Variants in GAL3ST2 observed in about 807,000 individuals in gnomAD.
GAL3ST2 encodes the protein beta-galactose-3-O-sulfotransferase 2.
In GAL3ST2, 16 loss-of-function variants were observed where a neutral mutation model predicts 12.9. That is an observed-to-expected ratio of 1.24 (90% CI 0.84 to 1.88). GAL3ST2 has a LOEUF of 1.88. Among genes scored for constraint, GAL3ST2 ranks in the 40% most tolerant of loss-of-function variants. The probability of loss-of-function intolerance (pLI) is 0.00; values close to 1 mark genes in which losing one functional copy is unlikely to be tolerated. For missense variants in GAL3ST2, 639 were observed against 571.8 expected, an observed-to-expected ratio of 1.12 and a Z score of -1.20; for synonymous variants, 302 against 273.9, an observed-to-expected ratio of 1.10 and a Z score of -1.01.
At chr2:241,779,772 G>A (rs1222291152) in intron 1 of GAL3ST2, among the ~76,000 whole-genome samples, 1 of 151,460 alleles carries the variant, frequency 6.6e-6, no homozygotes, top group Non-Finnish European at 1.5e-5. Context: ...GATCACCTGA[G>A]ATCAGGAGTT....
At position 241,802,041 on chromosome 2, in the gene GAL3ST2, C is replaced by T. The variant is rs144185924; in HGVS notation, c.375+5C>T. 1.1e-3 allele frequency: 1,829 copies of T among 1,605,062 alleles called. 19 individuals are homozygous for T. In the African/African-American group the frequency reaches 0.022, roughly 19 times the overall value. The stretch of plus-strand genomic sequence containing the variant: ...CTGAGGTTCAACCTGCCTCAGGTAC[C>T]GCGGGCCTGCTGGGGAGGAGGGCGG... On this transcript the variant is annotated splice_donor_5th_base_variant and intron_variant, in intron 3 of 3. Coordinates refer to ENST00000192314, the MANE Select transcript of GAL3ST2 (RefSeq NM_022134.3). The surrounding 1 kb of genome is among the most constrained non-coding windows in gnomAD (Gnocchi z 4.8).
intron 1 of GAL3ST2, among the ~76,000 whole-genome samples, chr2:241,796,385 G>A (rs369685001): frequency 9.2e-5 from 14 of 152,198 alleles, no homozygotes; most frequent in African/African-American, 3.1e-4. Context: ...GCCAGGAGAC[G>A]TACAAAGCAG....
chr2:241,791,946 T>C (rs1232464340), intron 1 of GAL3ST2, among the ~76,000 whole-genome samples: 1 of 152,052 alleles, frequency 6.6e-6, no homozygotes, highest in African/African-American at 2.4e-5. Flanking sequence ...TTCAAAATAA[T>C]GTTTGCAATT....
intron 1 of GAL3ST2, among the ~76,000 whole-genome samples, chr2:241,787,813 T>C (rs573343289): frequency 1.3e-5 from 2 of 152,180 alleles, no homozygotes; most frequent in East Asian, 1.9e-4. Flanking sequence ...CTCAGTGATA[T>C]ATTGTTGGGG....
intron 1 of GAL3ST2, among the ~76,000 whole-genome samples, chr2:241,798,149 C>G (rs943154857): frequency 6.6e-6 from 1 of 152,198 alleles, no homozygotes; most frequent in Non-Finnish European, 1.5e-5. Context: ...CAGGCCTTAC[C>G]CAGATCTGCT....
chr2:241,776,998 T>C lies in GAL3ST2; in HGVS notation c.29+14T>C. On this transcript the variant is annotated intron_variant, in intron 1 of 3. Coordinates refer to ENST00000192314, the MANE Select transcript of GAL3ST2 (RefSeq NM_022134.3). ...CGGCTTGCAGAGGTAAGGGGGGCAG[T>C]TGGACCCCCCAGGTGGACAAAGCGC... 2.0e-6 allele frequency: 3 copies of C among 1,519,568 alleles called. No individual in the cohort carries two copies. The highest frequency in any genetic ancestry group is 2.7e-6 in the Non-Finnish European group (3 of 1,126,750). The allele number at this position is 1,519,568 out of a possible 1,614,324, so 94.1% of individuals were successfully genotyped here.
rs1699843120 is a variant in GAL3ST2 at position 241,801,472 on chromosome 2, G to T, written c.120-309G>T. On this transcript the variant is annotated intron_variant, in intron 2 of 3. Transcript: ENST00000192314. This position sits in a 1 kb window ranked among gnomAD's most constrained non-coding sequence, Gnocchi z 4.4. Reference sequence around the variant, plus strand: ...GGGAACTCAGTTTTAAGGTGGGTCTGGGGTCCCCTTGGCCAAGATGGGGTT... The same window carrying T: ...GGGAACTCAGTTTTAAGGTGGGTCTTGGGTCCCCTTGGCCAAGATGGGGTT... The T allele has an allele frequency of 4.1e-6, 2 of 488,776 alleles. No homozygotes were observed. The highest frequency in any genetic ancestry group is 2.0e-5 in the African/African-American group (1 of 51,250). 30.3% of individuals were successfully genotyped at this position (488,776 alleles called of 1,614,324 possible).
At position 241,801,806 on chromosome 2, in the gene GAL3ST2, C is replaced by G. The variant is rs900389592; in HGVS notation, c.145C>G (p.Pro49Ala). 3 of 1,612,654 alleles carry G rather than the reference C, an allele frequency of 1.9e-6. No individual in the cohort carries two copies. Among genetic ancestry groups the G allele is most frequent in the African/African-American group, 1.3e-5 (1 of 75,014 alleles). Residue 49 changes from proline (P) to alanine (A), a missense_variant, in exon 3 of 4, where the codon CCG becomes GCG. Transcript: ENST00000192314. This position sits in a 1 kb window ranked among gnomAD's most constrained non-coding sequence, Gnocchi z 4.4. ...TPLFGGQAEGPPVTNIMFLKT... is the reference protein window; with the variant it reads ...TPLFGGQAEGAPVTNIMFLKT... ...CCTGTTTGGGGGCCAGGCTGAGGGG[C>G]CGCCGGTCACCAACATCATGTTCCT...
rs149870990 is a variant in GAL3ST2 at position 241,793,010 on chromosome 2, A to G, written c.30-6055A>G. On this transcript the variant is annotated intron_variant, in intron 1 of 3. Coordinates refer to ENST00000192314, the MANE Select transcript of GAL3ST2 (RefSeq NM_022134.3). This position sits in a 1 kb window ranked among gnomAD's most constrained non-coding sequence, Gnocchi z 4.7. ...AGTCTTCCTGCCTTTGCTTCGAGCC[A>G]TCCTGCCTCTCCAGACCGAACCAAT... is the stretch of plus-strand genomic sequence containing the variant. Among the ~76,000 whole-genome samples the G allele has an allele frequency of 0.11, 16,756 of 149,642 alleles. 1,000 individuals are homozygous for G. Among genetic ancestry groups the G allele is most frequent in the Middle Eastern group, 0.15 (43 of 294 alleles).
At chr2:241,789,861 C>G (rs1008358946) in intron 1 of GAL3ST2, among the ~76,000 whole-genome samples, 1 of 140,682 alleles carries the variant, frequency 7.1e-6, no homozygotes, top group Admixed American at 7.0e-5. Flanking sequence ...GACTCCATCT[C>G]AAAAAAAAAA....
At position 241,793,499 on chromosome 2, in the gene GAL3ST2, T is replaced by C. The variant is rs1699726104; in HGVS notation, c.30-5566T>C. Among the ~76,000 whole-genome samples, 1 of 151,848 alleles carries C rather than the reference T, an allele frequency of 6.6e-6. No homozygotes were observed. Among genetic ancestry groups the C allele is most frequent in the Non-Finnish European group, 1.5e-5 (1 of 68,010 alleles). Reference sequence around the variant, plus strand: ...ATGTGTATTATATGTACATATTGTGTATGTGTGTGTATATGTATGTGTGTA... The same window carrying C: ...ATGTGTATTATATGTACATATTGTGCATGTGTGTGTATATGTATGTGTGTA... On this transcript the variant is annotated intron_variant, in intron 1 of 3. Transcript: ENST00000192314. This position sits in a 1 kb window ranked among gnomAD's most constrained non-coding sequence, Gnocchi z 4.7.
rs145432391 is a variant in GAL3ST2 at position 241,793,852 on chromosome 2, A to T, written c.30-5213A>T. ...TGGAGTGTAAAAAACCATCGCCATA[A>T]GAATTTGCATGAGTCTTCCTCATAG... On this transcript the variant is annotated intron_variant, in intron 1 of 3. Transcript: ENST00000192314. The surrounding 1 kb of genome is among the most constrained non-coding windows in gnomAD (Gnocchi z 4.7). Among the ~76,000 whole-genome samples, 5 of 152,240 alleles carry T rather than the reference A, an allele frequency of 3.3e-5. No individual in the cohort carries two copies. The East Asian group carries it at 9.6e-4, about 29-fold the overall frequency.
In GAL3ST2 at chr2:241,793,455, TGC is replaced by T. The variant is rs1446593150; in HGVS notation, c.30-5608_30-5607del. 2.0e-5 allele frequency among the ~76,000 whole-genome samples: 3 copies of T among 149,074 alleles called. No homozygotes were observed. The highest frequency in any genetic ancestry group is 3.0e-5 in the Non-Finnish European group (2 of 67,774). On this transcript the variant is annotated intron_variant, in intron 1 of 3. Transcript: ENST00000192314. The surrounding 1 kb of genome is among the most constrained non-coding windows in gnomAD (Gnocchi z 4.7). ...TGTACGTGTATGTATGTACTGTGTA[TGC>T]GTGTGTATGTGTATGCATGTGTATT...
chr2:241,797,141 G>A (rs1369394994), intron 1 of GAL3ST2, among the ~76,000 whole-genome samples: 1 of 152,220 alleles, frequency 6.6e-6, no homozygotes, highest in Non-Finnish European at 1.5e-5. Context: ...TCACAGGCGT[G>A]AGCTGCCGCG....
intron 1 of GAL3ST2, among the ~76,000 whole-genome samples, chr2:241,780,496 G>A (rs992104742): frequency 2.0e-5 from 3 of 152,178 alleles, no homozygotes; most frequent in African/African-American, 7.2e-5. Flanking sequence ...TCCAGCCTGG[G>A]TGACAGAGCG....
In GAL3ST2 at chr2:241,793,561, GTA is replaced by G. The variant is rs554678347; in HGVS notation, c.30-5500_30-5499del. Among the ~76,000 whole-genome samples, 118 of 151,696 alleles carry G rather than the reference GTA, an allele frequency of 7.8e-4. No individual in the cohort carries two copies. Among genetic ancestry groups the G allele is most frequent in the African/African-American group, 2.7e-3 (112 of 41,292 alleles). On this transcript the variant is annotated intron_variant, in intron 1 of 3. Transcript: ENST00000192314. This position sits in a 1 kb window ranked among gnomAD's most constrained non-coding sequence, Gnocchi z 4.7. ...TGTATGTGTGTATATGTATGTATGTGTATATGTGTGCGTATATGTGTATGTAT... is the reference window on the plus strand; with the variant it reads ...TGTATGTGTGTATATGTATGTATGTGTATGTGTGCGTATATGTGTATGTAT...
rs73011971 is a variant in GAL3ST2, at chr2:241,796,033, C to T, written c.30-3032C>T. On this transcript the variant is annotated intron_variant, in intron 1 of 3. Coordinates refer to ENST00000192314, the MANE Select transcript of GAL3ST2 (RefSeq NM_022134.3). ...ACTGGCATTGGAGTCTGAGGTGCCG[C>T]GTGTGCCGTGAGGATGAAGTGTGAG... 2.2e-3 allele frequency among the ~76,000 whole-genome samples: 342 copies of T among 152,298 alleles called. 1 individual carries two copies. The highest frequency in any genetic ancestry group is 3.7e-3 in the Non-Finnish European group (252 of 68,040).
At chr2:241,798,940 C>T (rs1161006311) in intron 1 of GAL3ST2, 125 bp from the exon 2 acceptor site, 27 of 749,302 alleles carry the variant, frequency 3.6e-5, no homozygotes, top group African/African-American at 1.0e-4. Context: ...GAGGACAAGA[C>T]GTTACAGAGG....
Position 241,799,269 on chromosome 2 carries a change from G to A in GAL3ST2, c.119+115G>A, listed in dbSNP as rs974532181. 3.2e-6 allele frequency: 3 copies of A among 930,040 alleles called. No individual in the cohort carries two copies. The African/African-American group carries it at 4.9e-5, about 15-fold the overall frequency. The allele number at this position is 930,040 out of a possible 1,614,324, so 57.6% of individuals were successfully genotyped here. A position where few individuals can be genotyped will look rare whatever the true frequency, so the allele number is the denominator to read the frequency against. ...CCACTGGGCCTGTCTCCCTCTGGAA[G>A]AGGAGGGGTGGATGGGCCCTTCCTT... On this transcript the variant is annotated intron_variant, in intron 2 of 3. Transcript: ENST00000192314.
Sources: allele counts gnomAD v4.1 joint callset (sites outside exome capture counted in the v4.1 genomes callset), GRCh38; gene constraint gnomAD v4.1.1; non-coding constraint Gnocchi (gnomAD v3.1); transcripts MANE v1.5; gene names NCBI Gene and HGNC (gene_info 2026-07-23, HGNC 2026-07-21).